PDSS2: variants seen among roughly 807,000 people sequenced by gnomAD.
PDSS2 encodes decaprenyl diphosphate synthase subunit 2, also known as all trans-polyprenyl-diphosphate synthase PDSS2.
In PDSS2, 31 loss-of-function variants were observed where a neutral mutation model predicts 44.5. The ratio of observed to expected loss-of-function variants is 0.70; its 90% CI spans 0.52 to 0.94. The LOEUF (loss-of-function observed/expected upper bound fraction) is 0.94, where lower values mean the gene tolerates loss of function less well. Ranked by LOEUF, PDSS2 falls within the 40% of genes least tolerant of loss-of-function variation. The probability of loss-of-function intolerance (pLI) is 0.00; values close to 1 mark genes in which losing one functional copy is unlikely to be tolerated. For missense variants in PDSS2, 452 were observed against 482.2 expected, an observed-to-expected ratio of 0.94 and a Z score of 0.59; for synonymous variants, 157 against 180.3, an observed-to-expected ratio of 0.87 and a Z score of 1.03.
intron 1 of PDSS2, among the ~76,000 whole-genome samples, chr6:107,335,080 G>C (rs1777841466): frequency 6.6e-6 from 1 of 150,910 alleles, no homozygotes. Flanking sequence ...TGAGCCCAGG[G>C]TTGGGGGGGT....
At chr6:107,449,639 C>T (rs1278007046) in intron 1 of PDSS2, among the ~76,000 whole-genome samples, 3 of 152,230 alleles carry the variant, frequency 2.0e-5, no homozygotes, top group South Asian at 4.1e-4. Context: ...TATTATGACA[C>T]GTGTGCAACC....
chr6:107,316,605 T>A (rs1213309005), intron 2 of PDSS2, among the ~76,000 whole-genome samples: 1 of 152,204 alleles, frequency 6.6e-6, no homozygotes, highest in East Asian at 1.9e-4. Context: ...TTTTCCTCTT[T>A]TAGTATAACA....
At chr6:107,421,806 G>GC (rs1780831574) in intron 1 of PDSS2, among the ~76,000 whole-genome samples, 2 of 64,020 alleles carry the variant, frequency 3.1e-5, no homozygotes, top group Non-Finnish European at 7.6e-5. Context: ...AAATTTCACA[G>GC]AACACACACA....
chr6:107,184,117 A>G lies in PDSS2; in HGVS notation c.1041+9705T>C, dbSNP rs1772082924. 2.6e-5 allele frequency among the ~76,000 whole-genome samples: 4 copies of G among 152,300 alleles called. No individual in the cohort carries two copies. In the South Asian group the frequency reaches 8.3e-4, roughly 32 times the overall value. Reference sequence around the variant, plus strand: ...GGCATATTTTACCAAAAAAGAGCTAATGTAAAGTCCCAGGGTAGGAGATGC... The same window carrying G: ...GGCATATTTTACCAAAAAAGAGCTAGTGTAAAGTCCCAGGGTAGGAGATGC... On this transcript the variant is annotated intron_variant, in intron 7 of 7. Coordinates refer to ENST00000369037, the MANE Select transcript of PDSS2 (RefSeq NM_020381.4).
At chr6:107,398,138 C>T (rs912520695) in intron 1 of PDSS2, among the ~76,000 whole-genome samples, 1 of 152,210 alleles carries the variant, frequency 6.6e-6, no homozygotes, top group South Asian at 2.1e-4. Flanking sequence ...TCACAATTAT[C>T]TGAAAAAGTG....
chr6:107,271,895 C>CT (rs1457478811), intron 3 of PDSS2, among the ~76,000 whole-genome samples: 1 of 151,536 alleles, frequency 6.6e-6, no homozygotes, highest in African/African-American at 2.4e-5. Context: ...AAGCCCGTCT[C>CT]TAAAAAAAAA....
chr6:107,437,489 C>T lies in PDSS2; in HGVS notation c.296+21501G>A, dbSNP rs527678067. ...ATAGTGAGCCAAGATCGCACCACTGCACTCCAGCCTAGGAGACAGAGTGAG... is the reference window on the plus strand; with the variant it reads ...ATAGTGAGCCAAGATCGCACCACTGTACTCCAGCCTAGGAGACAGAGTGAG... On this transcript the variant is annotated intron_variant, in intron 1 of 7. Coordinates refer to ENST00000369037, the MANE Select transcript of PDSS2 (RefSeq NM_020381.4). 4.1e-5 allele frequency among the ~76,000 whole-genome samples: 6 copies of T among 147,088 alleles called. No individual in the cohort carries two copies. The East Asian group carries it at 1.0e-3, about 25-fold the overall frequency.
intron 2 of PDSS2, among the ~76,000 whole-genome samples, chr6:107,281,886 T>C (rs1775970065): frequency 6.6e-6 from 1 of 152,132 alleles, no homozygotes; most frequent in Admixed American, 6.6e-5. Context: ...GAACAACTCT[T>C]TACTTAGCAA....
intron 1 of PDSS2, among the ~76,000 whole-genome samples, chr6:107,380,515 T>C (rs900993341): frequency 6.6e-6 from 1 of 152,184 alleles, no homozygotes; most frequent in African/African-American, 2.4e-5. Context: ...GCCAAATGCA[T>C]GAGGGGATTT....
At chr6:107,455,677 C>A (rs1254110797) in intron 1 of PDSS2, among the ~76,000 whole-genome samples, 1 of 144,396 alleles carries the variant, frequency 6.9e-6, no homozygotes, top group Non-Finnish European at 1.5e-5. Flanking sequence ...TTGCTTGAAC[C>A]AGGGTGTCAG....
intron 2 of PDSS2, among the ~76,000 whole-genome samples, chr6:107,303,379 C>A (rs1467656888): frequency 3.9e-5 from 6 of 152,210 alleles, no homozygotes; most frequent in Non-Finnish European, 8.8e-5. Context: ...TACAGTGTCT[C>A]CTCTGGGTCC....
At chr6:107,202,626 C>G (rs1772824567) in intron 6 of PDSS2, among the ~76,000 whole-genome samples, 1 of 152,086 alleles carries the variant, frequency 6.6e-6, no homozygotes, top group African/African-American at 2.4e-5. Flanking sequence ...CTTGGTCATT[C>G]TCTATGAATA....
intron 1 of PDSS2, among the ~76,000 whole-genome samples, chr6:107,453,894 G>A (rs959730867): frequency 1.3e-5 from 2 of 152,080 alleles, no homozygotes; most frequent in East Asian, 3.9e-4. Context: ...CTTCAATGGA[G>A]TCCCAATTTC....
At chr6:107,240,665 T>C (rs1157974841) in intron 4 of PDSS2, among the ~76,000 whole-genome samples, 1 of 151,494 alleles carries the variant, frequency 6.6e-6, no homozygotes, top group Non-Finnish European at 1.5e-5. Flanking sequence ...CCCAAAGTGC[T>C]GGGATTACAG....
intron 3 of PDSS2, among the ~76,000 whole-genome samples, chr6:107,262,857 T>C (rs1220130215): frequency 1.3e-5 from 2 of 151,820 alleles, no homozygotes; most frequent in Admixed American, 1.3e-4. Flanking sequence ...CAAGGATCAT[T>C]TGAGCCCAGG....
At chr6:107,199,082 A>G (rs1420020778) in intron 6 of PDSS2, among the ~76,000 whole-genome samples, 1 of 152,186 alleles carries the variant, frequency 6.6e-6, no homozygotes, top group Admixed American at 6.5e-5. Flanking sequence ...ATTAAATACT[A>G]TCCTTATTCT....
chr6:107,380,950 T>C (rs1424866407), intron 1 of PDSS2, among the ~76,000 whole-genome samples: 1 of 152,214 alleles, frequency 6.6e-6, no homozygotes, highest in Non-Finnish European at 1.5e-5. Flanking sequence ...ATAATCCGAA[T>C]TGAAGAATGG....
intron 2 of PDSS2, among the ~76,000 whole-genome samples, chr6:107,283,179 G>A (rs1049280142): frequency 1.3e-5 from 2 of 151,540 alleles, no homozygotes; most frequent in African/African-American, 2.4e-5. Context: ...AAAAAAATTA[G>A]CCAGGTATGG....
At chr6:107,433,365 T>G (rs1189174106) in intron 1 of PDSS2, among the ~76,000 whole-genome samples, 5 of 151,742 alleles carry the variant, frequency 3.3e-5, no homozygotes, top group Non-Finnish European at 5.9e-5. Flanking sequence ...TGGCTTCAAA[T>G]TATACTACAG....
Sources: gnomAD v4.1 joint callset for allele counts (sites outside exome capture counted in the v4.1 genomes callset) on GRCh38, gnomAD v4.1.1 for gene constraint, MANE v1.5 for transcripts, NCBI Gene and HGNC (gene_info 2026-07-23, HGNC 2026-07-21) for gene names.